IGFBP4: variants seen among roughly 807,000 people sequenced by gnomAD.
IGFBP4 encodes insulin-like growth factor-binding protein 4.
IGFBP4 carries 9 observed loss-of-function variants against 25.8 expected under a neutral mutation model. That is an observed-to-expected ratio of 0.35 (90% CI 0.21 to 0.61). The LOEUF (loss-of-function observed/expected upper bound fraction) is 0.61. Among genes scored for constraint, IGFBP4 ranks in the 20% least tolerant of loss-of-function variants. IGFBP4 has a pLI of 0.77. For synonymous variants in IGFBP4, 153 were observed against 153.9 expected, an observed-to-expected ratio of 0.99 and a Z score of 0.05; for missense variants, 315 against 365.3, an observed-to-expected ratio of 0.86 and a Z score of 1.12.
At chr17:40,446,429 A>G (rs995810125) in intron 1 of IGFBP4, among the ~76,000 whole-genome samples, 1 of 152,010 alleles carries the variant, frequency 6.6e-6, no homozygotes, top group East Asian at 1.9e-4. Flanking sequence ...CAGCCTGGTC[A>G]ACATGGTGAA....
At chr17:40,451,654 A>G (rs550303620) in intron 1 of IGFBP4, among the ~76,000 whole-genome samples, 4 of 152,062 alleles carry the variant, frequency 2.6e-5, no homozygotes, top group African/African-American at 7.2e-5. Context: ...CTTTGCACTC[A>G]GGCCGGCAGC....
Position 40,455,575 on chromosome 17 carries a change from C to T in IGFBP4, c.643-874C>T, listed in dbSNP as rs140647146. ...TCGGCTCACTGCAACCTCCATCTCC[C>T]GGGTTCAAGCGATTCTCCTGCCTTA... On this transcript the variant is annotated intron_variant, in intron 3 of 3. Coordinates refer to ENST00000269593, the MANE Select transcript of IGFBP4 (RefSeq NM_001552.3). 4.1e-3 allele frequency among the ~76,000 whole-genome samples: 618 copies of T among 151,450 alleles called. 3 individuals are homozygous for T. Among genetic ancestry groups the T allele is most frequent in the Middle Eastern group, 0.014 (4 of 294 alleles).
Position 40,456,829 on chromosome 17 carries a change from T to C in IGFBP4, c.*246T>C. 1 of 512,268 alleles carries C rather than the reference T, an allele frequency of 2.0e-6. No homozygotes were observed. Among genetic ancestry groups the C allele is most frequent in the Non-Finnish European group, 3.4e-6 (1 of 292,730 alleles). The allele number at this position is 512,268 out of a possible 1,614,324, so 31.7% of individuals were successfully genotyped here. On this transcript the variant is annotated 3_prime_UTR_variant, in exon 4 of 4. Transcript: ENST00000269593. ...TTGGTGTTACACAGCCCAAGAGGAC[T>C]GAGACTGGCACTTAGCCCAAGAGGT...
Position 40,457,702 on chromosome 17 carries a change from CAG to C in IGFBP4, c.*1121_*1122del, listed in dbSNP as rs895519168. The C allele has an allele frequency of 5.3e-5, 8 of 152,086 alleles. No individual in the cohort carries two copies. Among genetic ancestry groups the C allele is most frequent in the African/African-American group, 1.9e-4 (8 of 41,398 alleles). 9.4% of individuals were successfully genotyped at this position (152,086 alleles called of 1,614,324 possible). On this transcript the variant is annotated 3_prime_UTR_variant, in exon 4 of 4. Coordinates refer to ENST00000269593, the MANE Select transcript of IGFBP4 (RefSeq NM_001552.3). ...CTTCTTTTTCTTTTTTTTAACAAAACAGAACAAAACCAAAAAATGTCCAGATG... is the reference window on the plus strand; with the variant it reads ...CTTCTTTTTCTTTTTTTTAACAAAACAACAAAACCAAAAAATGTCCAGATG...
intron 3 of IGFBP4, among the ~76,000 whole-genome samples, chr17:40,455,829 C>T (rs1436757596): frequency 6.6e-6 from 1 of 152,144 alleles, no homozygotes; most frequent in Non-Finnish European, 1.5e-5. Context: ...ACTTTATCCC[C>T]AGACCAGTTC....
chr17:40,444,135 G>A, intron 1 of IGFBP4, 51 bp downstream of exon 1: 1 of 1,407,568 alleles, frequency 7.1e-7, no homozygotes, highest in Non-Finnish European at 9.7e-7. Context: ...TCCCTTCCCA[G>A]CGGCTTCTTC....
chr17:40,445,812 C>T (rs2035641599), intron 1 of IGFBP4, among the ~76,000 whole-genome samples: 1 of 152,110 alleles, frequency 6.6e-6, no homozygotes, highest in Non-Finnish European at 1.5e-5. Context: ...TCTCCATCCT[C>T]CACCAGCCAG....
chr17:40,446,169 CAAAAA>C (rs71152673), intron 1 of IGFBP4, among the ~76,000 whole-genome samples: 1 of 99,276 alleles, frequency 1.0e-5, no homozygotes, highest in African/African-American at 4.0e-5. Flanking sequence ...CCCGTCTCTA[CAAAAA>C]AAAAAAAAAA....
At chr17:40,449,440 AC>A (rs887507601) in intron 1 of IGFBP4, among the ~76,000 whole-genome samples, 4 of 151,510 alleles carry the variant, frequency 2.6e-5, no homozygotes, top group African/African-American at 9.7e-5. Flanking sequence ...ACACAGTGAC[AC>A]CCTGTCTCTT....
chr17:40,447,322 G>A (rs1252334593), intron 1 of IGFBP4, among the ~76,000 whole-genome samples: 1 of 152,342 alleles, frequency 6.6e-6, no homozygotes, highest in East Asian at 1.9e-4. Flanking sequence ...TGCATCAAAA[G>A]TCCACACCTC....
intron 1 of IGFBP4, among the ~76,000 whole-genome samples, chr17:40,444,420 AG>A (rs1426511584): frequency 1.3e-5 from 2 of 152,104 alleles, no homozygotes; most frequent in African/African-American, 4.8e-5. Flanking sequence ...GTCTAGGGCC[AG>A]AGAACTGGAG....
At chr17:40,451,544 G>A (rs1353592401) in intron 1 of IGFBP4, among the ~76,000 whole-genome samples, 5 of 151,868 alleles carry the variant, frequency 3.3e-5, no homozygotes, top group East Asian at 1.9e-4. Flanking sequence ...TCGCTGCCAC[G>A]CATGGAGGAA....
intron 1 of IGFBP4, among the ~76,000 whole-genome samples, chr17:40,450,521 TTTTTTTTG>T (rs1268987378): frequency 6.6e-6 from 1 of 152,000 alleles, no homozygotes; most frequent in African/African-American, 2.4e-5. Context: ...TTCTTGAATT[TTTTTTTTG>T]TTTTTTTGTT....
chr17:40,449,272 C>T (rs540717378), intron 1 of IGFBP4, among the ~76,000 whole-genome samples: 1 of 152,334 alleles, frequency 6.6e-6, no homozygotes, highest in South Asian at 2.1e-4. Flanking sequence ...TAATGGTAAA[C>T]ATCCCAAATA....
At position 40,443,540 on chromosome 17, in the gene IGFBP4, C is replaced by T. The variant is rs2035621255; in HGVS notation, c.-196C>T. 1 of 167,092 alleles carries T rather than the reference C, an allele frequency of 6.0e-6. No individual in the cohort carries two copies. The highest frequency in any genetic ancestry group is 1.3e-5 in the Non-Finnish European group (1 of 79,086). The allele number at this position is 167,092 out of a possible 1,614,324, so 10.4% of individuals were successfully genotyped here. A position where few individuals can be genotyped will look rare whatever the true frequency, so the allele number is the denominator to read the frequency against. On this transcript the variant is annotated 5_prime_UTR_variant, in exon 1 of 4. Coordinates refer to ENST00000269593, the MANE Select transcript of IGFBP4 (RefSeq NM_001552.3). ...GCGCCTCGGCGGCCAGGCTTGCTCC[C>T]CTCCGGCACGCCTGCTAACTTCCCC...
Position 40,444,912 on chromosome 17 carries a change from CACACACACACACACAGAG to C in IGFBP4, c.349+832_349+849del, listed in dbSNP as rs1377920441. ...ACACACACACACACACACACACACA[CACACACACACACACAGAG>C]ACAGAGAGAGAGAGAGAGAGAGAGA... On this transcript the variant is annotated intron_variant, in intron 1 of 3. Transcript: ENST00000269593. Among the ~76,000 whole-genome samples the C allele has an allele frequency of 1.2e-3, 106 of 85,888 alleles. 3 individuals carry two copies. Among genetic ancestry groups the C allele is most frequent in the African/African-American group, 3.7e-3 (84 of 22,558 alleles). 56.3% of individuals were successfully genotyped at this position (85,888 alleles called of 152,430 possible). A position where few individuals can be genotyped will look rare whatever the true frequency, so the allele number is the denominator to read the frequency against.
intron 1 of IGFBP4, among the ~76,000 whole-genome samples, chr17:40,450,823 T>G (rs1317284090): frequency 2.0e-5 from 3 of 152,068 alleles, no homozygotes; most frequent in Admixed American, 6.5e-5. Flanking sequence ...CCAGCCTGGT[T>G]CTAATTCTTT....
rs1452936483 is a variant in IGFBP4, at chr17:40,443,761, C to T, written c.26C>T (p.Ala9Val). Residue 9 changes from alanine (A) to valine (V), a missense_variant, in exon 1 of 4, where the codon GCC (alanine) becomes GTC (valine). Transcript: ENST00000269593. MLPLCLVA[A>V]LLLAAGPGPS... ...ATGCTGCCCCTCTGCCTCGTGGCCG[C>T]CCTGCTGCTGGCCGCCGGGCCCGGG... is the stretch of plus-strand genomic sequence containing the variant. The T allele has an allele frequency of 2.5e-5, 38 of 1,500,762 alleles. No individual in the cohort carries two copies. Among genetic ancestry groups the T allele is most frequent in the Non-Finnish European group, 3.4e-5 (38 of 1,133,504 alleles). The allele number at this position is 1,500,762 out of a possible 1,614,324, so 93.0% of individuals were successfully genotyped here. A position where few individuals can be genotyped will look rare whatever the true frequency, so the allele number is the denominator to read the frequency against.
chr17:40,451,024 C>T (rs1025993053), intron 1 of IGFBP4, among the ~76,000 whole-genome samples: 3 of 152,076 alleles, frequency 2.0e-5, no homozygotes, highest in Admixed American at 1.3e-4. Context: ...GGCCTGGATC[C>T]CAGATCTTTC....
Sources: gnomAD v4.1 joint callset for allele counts (sites outside exome capture counted in the v4.1 genomes callset) on GRCh38, gnomAD v4.1.1 for gene constraint, MANE v1.5 for transcripts, NCBI Gene and HGNC (gene_info 2026-07-23, HGNC 2026-07-21) for gene names.